LONP1: variants seen among roughly 807,000 people sequenced by gnomAD.
LONP1 encodes lon peptidase 1, mitochondrial.
Under a neutral mutation model 98.5 loss-of-function variants are expected in LONP1, and 31 were observed. The ratio of observed to expected loss-of-function variants is 0.31; its 90% CI spans 0.24 to 0.42. The LOEUF (loss-of-function observed/expected upper bound fraction) is 0.42. Among genes scored for constraint, LONP1 ranks in the 20% least tolerant of loss-of-function variants. The pLI is 1.00. For synonymous variants in LONP1, 781 were observed against 594.7 expected (o/e 1.31, Z -4.56); for missense variants, 1,336 against 1,350.6 (o/e 0.99, Z 0.17).
intron 3 of LONP1, 166 bp from the exon 4 acceptor site, chr19:5,712,168 T>C: frequency 1.7e-6 from 1 of 594,494 alleles, no homozygotes; most frequent in Non-Finnish European, 3.0e-6. Flanking sequence ...AGCCGCTTTC[T>C]CGGGGCCTCC....
rs922108688 is a variant in LONP1, at chr19:5,702,016, G to A, written c.1368-1089C>T. On this transcript the variant is annotated intron_variant, in intron 8 of 17. Transcript: ENST00000360614. ...TGAGGAGACCCTCTGCCTGGCAACCGACCCGTCTGAGAAGTGAGGAGCGTC... is the reference window on the plus strand; with the variant it reads ...TGAGGAGACCCTCTGCCTGGCAACCAACCCGTCTGAGAAGTGAGGAGCGTC... Among the ~76,000 whole-genome samples, 134 of 150,408 alleles carry A rather than the reference G, an allele frequency of 8.9e-4. 1 individual carries two copies. The highest frequency in any genetic ancestry group is 3.1e-3 in the African/African-American group (126 of 40,926).
chr19:5,711,222 A>G (rs1238918654), intron 4 of LONP1, among the ~76,000 whole-genome samples: 2 of 152,180 alleles, frequency 1.3e-5, no homozygotes, highest in Non-Finnish European at 2.9e-5. Context: ...CACCAGGCAC[A>G]CAGGTAAGGA....
chr19:5,715,149 A>G (rs1359774899), intron 1 of LONP1: 1 of 150,422 alleles, frequency 6.6e-6, no homozygotes, highest in African/African-American at 2.4e-5. Context: ...CGGTTTCCCC[A>G]CTCCCAAAGG....
chr19:5,694,562 C>G lies in LONP1; in HGVS notation c.2155-10G>C, dbSNP rs755093711. 1 of 1,603,648 alleles carries G rather than the reference C, an allele frequency of 6.2e-7. No individual in the cohort carries two copies. The highest frequency in any genetic ancestry group is 8.5e-7 in the Non-Finnish European group (1 of 1,173,650). On this transcript the variant is annotated splice_polypyrimidine_tract_variant and intron_variant, in intron 14 of 17. Coordinates refer to ENST00000360614, the MANE Select transcript of LONP1 (RefSeq NM_004793.4). The stretch of plus-strand genomic sequence containing the variant: ...CCGATTTCCGTAACACCTGGGCGGT[C>G]AGGGCAACACAATGGGCACGGGAAG...
intron 4 of LONP1, among the ~76,000 whole-genome samples, chr19:5,709,781 G>A (rs759209012): frequency 4.0e-5 from 6 of 151,700 alleles, no homozygotes; most frequent in African/African-American, 7.3e-5. Flanking sequence ...GTGTGGTGGC[G>A]GGCACCTGTA....
intron 9 of LONP1, 140 bp downstream of exon 9, chr19:5,700,649 C>T (rs570354924): frequency 2.1e-4 from 255 of 1,199,348 alleles, no homozygotes; most frequent in Middle Eastern, 2.9e-4. Context: ...ATGCTACCTC[C>T]GCCGGGATCC....
rs71172756 is a variant in LONP1 at position 5,692,006 on chromosome 19, C to CAGTTCTGGCCCAGACAG, written c.*25_*26insCTGTCTGGGCCAGAACT. ...TCTGGCCCAGACAGGGCCTGACATC[C>CAGTTCTGGCCCAGACAG]GCCGCCTGCAGTCCCGGGGTGGCCG... On this transcript the variant is annotated 3_prime_UTR_variant, in exon 18 of 18. Transcript: ENST00000360614. 1 of 1,597,398 alleles carries CAGTTCTGGCCCAGACAG rather than the reference C, an allele frequency of 6.3e-7. No homozygotes were observed. Among genetic ancestry groups the CAGTTCTGGCCCAGACAG allele is most frequent in the South Asian group, 1.1e-5 (1 of 88,600 alleles).
Position 5,719,817 on chromosome 19 carries a change from C to G in LONP1, c.316G>C (p.Gly106Arg). The part of the protein sequence containing the change: ...GAGGSAGAGE[G>R]PVITALTPMT... ...GGCGTGAGCGCCGTTATGACCGGGC[C>G]TTCCCCGGCGCCCGCGCTGCCCCCC... The change falls in exon 1 of 18, where the codon GGC becomes CGC. Residue 106 changes from glycine to arginine, a missense_variant. Physicochemically the swap from Gly to Arg is moderately radical, Grantham distance 125. This residue lies in a region of LONP1 where 457 missense variants were observed against 403.1 expected (regional missense o/e 1.13). Coordinates refer to ENST00000360614, the MANE Select transcript of LONP1 (RefSeq NM_004793.4). The G allele has an allele frequency of 1.9e-6, 3 of 1,611,294 alleles. No individual in the cohort carries two copies. Among genetic ancestry groups the G allele is most frequent in the Admixed American group, 1.7e-5 (1 of 59,972 alleles).
At position 5,720,009 on chromosome 19, in the gene LONP1, C is replaced by G. The variant is rs772600382; in HGVS notation, c.124G>C (p.Gly42Arg). 2.5e-6 allele frequency: 4 copies of G among 1,573,768 alleles called. No homozygotes were observed. In the South Asian group the frequency reaches 4.6e-5, roughly 18 times the overall value. Residue 42 changes from glycine to arginine, a missense_variant, in exon 1 of 18, where the codon GGC (glycine) becomes CGC (arginine). By Grantham distance (125) the Gly-to-Arg change is moderately radical. Transcript: ENST00000360614. ...PTAAGAWLLR[G>R]QRTCDASPPW... Reference sequence around the variant, plus strand: ...GGAGAGGCGTCGCAGGTCCGCTGGCCTCGGAGCAACCACGCTCCTGCTGCA... The same window carrying G: ...GGAGAGGCGTCGCAGGTCCGCTGGCGTCGGAGCAACCACGCTCCTGCTGCA...
intron 8 of LONP1, among the ~76,000 whole-genome samples, chr19:5,702,643 A>G (rs1216576757): frequency 6.6e-6 from 1 of 152,362 alleles, no homozygotes; most frequent in Admixed American, 6.5e-5. Flanking sequence ...AGAAGTAGAC[A>G]TGAGAGACTT....
Position 5,700,772 on chromosome 19 carries a change from CCAGA to C in LONP1, c.1506+13_1506+16del, listed in dbSNP as rs752623752. On this transcript the variant is annotated intron_variant, in intron 9 of 17. Coordinates refer to ENST00000360614, the MANE Select transcript of LONP1 (RefSeq NM_004793.4). ...CACCCACATGCAAATCCACAACAGG[CCAGA>C]CACTGGGCTCACCAGGATGCGTTTC... The C allele has an allele frequency of 4.3e-6, 7 of 1,613,850 alleles. No homozygotes were observed. Among genetic ancestry groups the C allele is most frequent in the Non-Finnish European group, 5.9e-6 (7 of 1,179,850 alleles).
chr19:5,694,718 T>C, intron 14 of LONP1, 43 bp downstream of exon 14: 1 of 1,579,510 alleles, frequency 6.3e-7, no homozygotes, highest in Non-Finnish European at 8.7e-7. Flanking sequence ...CGTGGGATGG[T>C]GAGGTGGGCG....
At chr19:5,700,693 C>T (rs1311261138) in intron 9 of LONP1, 96 bp downstream of exon 9, 2 of 1,523,398 alleles carry the variant, frequency 1.3e-6, no homozygotes, top group Non-Finnish European at 8.9e-7. Flanking sequence ...ACGAATTCAC[C>T]AGGGGGCTCC....
At chr19:5,715,717 G>C (rs928390311) in intron 1 of LONP1, among the ~76,000 whole-genome samples, 2 of 139,044 alleles carry the variant, frequency 1.4e-5, no homozygotes, top group Non-Finnish European at 3.0e-5. Context: ...GAGTGCACTG[G>C]TGCAATCTCG....
Position 5,696,770 on chromosome 19 carries a change from A to T in LONP1, c.1686-13T>A. The T allele has an allele frequency of 6.3e-7, 1 of 1,595,754 alleles. No homozygotes were observed. ...CACGTAGGTCCGCCTGTGGGTGCAC[A>T]GCGGGGTCAGAGGTCACTTGGTAGC... On this transcript the variant is annotated splice_polypyrimidine_tract_variant and intron_variant, in intron 10 of 17. Coordinates refer to ENST00000360614, the MANE Select transcript of LONP1 (RefSeq NM_004793.4).
intron 2 of LONP1, among the ~76,000 whole-genome samples, chr19:5,713,503 G>C (rs1360205618): frequency 6.6e-6 from 1 of 152,212 alleles, no homozygotes; most frequent in Non-Finnish European, 1.5e-5. Flanking sequence ...ACATGGTCCA[G>C]GTGGGACTTT....
chr19:5,704,812 G>A (rs1177663422), intron 8 of LONP1, among the ~76,000 whole-genome samples: 2 of 152,236 alleles, frequency 1.3e-5, no homozygotes, highest in Admixed American at 6.5e-5. Flanking sequence ...AGGGGCAACA[G>A]AAGCCAGGGG....
intron 10 of LONP1, among the ~76,000 whole-genome samples, chr19:5,697,542 G>A (rs1196266076): frequency 7.4e-6 from 1 of 135,656 alleles, no homozygotes; most frequent in Non-Finnish European, 1.6e-5. Context: ...GGGGAAGAGG[G>A]AGGAGATGGA....
intron 8 of LONP1, among the ~76,000 whole-genome samples, chr19:5,704,603 A>G (rs1385584196): frequency 6.6e-6 from 1 of 152,204 alleles, no homozygotes; most frequent in Non-Finnish European, 1.5e-5. Context: ...TCCTGGGCTG[A>G]AAACAGAGCA....
Sources: gnomAD v4.1 joint callset for allele counts (sites outside exome capture counted in the v4.1 genomes callset) on GRCh38, gnomAD v4.1.1 for gene constraint, gnomAD v4.1.1 regional missense constraint, MANE v1.5 for transcripts, NCBI Gene and HGNC (gene_info 2026-07-23, HGNC 2026-07-21) for gene names.